The following ANKFY1 variants were observed in gnomAD, a reference collection of about 807,000 sequenced individuals.
The protein encoded by ANKFY1 is ankyrin repeat and FYVE domain containing 1, also known as ankyrin repeat and FYVE domain-containing protein 1.
A neutral mutation model predicts 128.3 loss-of-function variants in ANKFY1; 47 were observed. The observed-to-expected ratio is 0.37, with a 90% confidence interval of 0.29 to 0.47. ANKFY1 has a LOEUF of 0.47. Ranked by LOEUF, ANKFY1 falls within the 20% of genes least tolerant of loss-of-function variation. The pLI is 1.00. For missense variants in ANKFY1, 1,222 were observed against 1,510.6 expected (o/e 0.81, Z 3.17); for synonymous variants, 553 against 601.6 (o/e 0.92, Z 1.18).
rs780568416 is a variant in ANKFY1 at position 4,217,114 on chromosome 17, A to C, written c.327T>G (p.Ala109=). 3.1e-6 allele frequency: 5 copies of C among 1,609,920 alleles called. No homozygotes were observed. Among genetic ancestry groups the C allele is most frequent in the Non-Finnish European group, 2.5e-6 (3 of 1,177,556 alleles). The change falls in exon 4 of 25, where the codon GCT becomes GCG. Residue 109 remains alanine (A), a synonymous_variant. Coordinates refer to ENST00000341657, the MANE Select transcript of ANKFY1 (RefSeq NM_001330063.2). ...GCATTGTCATCGTCACCTCAGGATTAGCATCTGGTTAAAGAAAGAGAGAAC... is the reference window on the plus strand; with the variant it reads ...GCATTGTCATCGTCACCTCAGGATTCGCATCTGGTTAAAGAAAGAGAGAAC... ...SSTKELDLSD[A]NPEVTMTMLR... is the part of the protein sequence containing the mutation.
intron 3 of ANKFY1, among the ~76,000 whole-genome samples, chr17:4,218,770 C>G (rs1410325767): frequency 6.6e-6 from 1 of 152,106 alleles, no homozygotes. Flanking sequence ...CCCAGCTACT[C>G]AAGGGGCCAA....
chr17:4,257,667 A>G (rs1477519966), intron 1 of ANKFY1, among the ~76,000 whole-genome samples: 1 of 152,094 alleles, frequency 6.6e-6, no homozygotes, highest in Non-Finnish European at 1.5e-5. Context: ...ACTCCTAAGC[A>G]TTTTTTACCC....
chr17:4,243,664 T>C (rs1321875961), intron 1 of ANKFY1, among the ~76,000 whole-genome samples: 3 of 152,172 alleles, frequency 2.0e-5, no homozygotes, highest in Non-Finnish European at 4.4e-5. Context: ...CCAGGGTCTG[T>C]AATCATATGA....
At chr17:4,197,711 A>G in intron 7 of ANKFY1, 134 bp from the exon 8 acceptor site, 3 of 783,870 alleles carry the variant, frequency 3.8e-6, no homozygotes. Context: ...CTCTTGGGGC[A>G]TCTGTAAGTG....
At chr17:4,210,732 A>AAAAAC (rs2060113862) in intron 4 of ANKFY1, among the ~76,000 whole-genome samples, 2 of 145,876 alleles carry the variant, frequency 1.4e-5, no homozygotes, top group South Asian at 2.1e-4. Flanking sequence ...AAAAAAAAAA[A>AAAAAC]GCTCTCCTAT....
Position 4,242,400 on chromosome 17 carries a change from T to C in ANKFY1, c.59A>G (p.Tyr20Cys). ...CGCCAGCTTCTTCTGCAGCTTGACA[T>C]ACTCCTGCCGCAGAAGCATCAAGTG... ...EKHLMLLRQE[Y>C]VKLQKKLAET... Residue 20 changes from tyrosine (Y) to cysteine (C), a missense_variant, in exon 2 of 25, where the codon TAT (tyrosine) becomes TGT (cysteine). Tyr to Cys is a radical substitution (Grantham distance 194, BLOSUM62 -2). Coordinates refer to ENST00000341657, the MANE Select transcript of ANKFY1 (RefSeq NM_001330063.2). 1.9e-6 allele frequency: 3 copies of C among 1,591,316 alleles called. No individual in the cohort carries two copies. Among genetic ancestry groups the C allele is most frequent in the African/African-American group, 1.4e-5 (1 of 73,534 alleles).
At position 4,166,865 on chromosome 17, in the gene ANKFY1, C is replaced by G. The variant is rs917873331; in HGVS notation, c.*914G>C. 2 of 152,418 alleles carry G rather than the reference C, an allele frequency of 1.3e-5. No individual in the cohort carries two copies. The highest frequency in any genetic ancestry group is 2.9e-5 in the Non-Finnish European group (2 of 68,050). The allele number at this position is 152,418 out of a possible 1,614,324, so 9.4% of individuals were successfully genotyped here. ...TCTGTAGAGTTTTTCCTTGGAGATT[C>G]GTGTGAGCTGAGGTCCAGTCAAAGC... On this transcript the variant is annotated 3_prime_UTR_variant, in exon 25 of 25. Transcript: ENST00000341657.
intron 4 of ANKFY1, among the ~76,000 whole-genome samples, chr17:4,211,834 C>T (rs1033728887): frequency 6.6e-6 from 1 of 151,724 alleles, no homozygotes; most frequent in Non-Finnish European, 1.5e-5. Context: ...TGCGGTGAAC[C>T]GTGATCGCAC....
In ANKFY1 at chr17:4,170,708, C is replaced by A; in HGVS notation, c.3286+7G>T. On this transcript the variant is annotated splice_region_variant and intron_variant, in intron 23 of 24. Coordinates refer to ENST00000341657, the MANE Select transcript of ANKFY1 (RefSeq NM_001330063.2). Reference sequence around the variant, plus strand: ...TGCACTGTGAGAGCAGAGAGCGGGCCACTCACCCAGCAGTCGGAACAGGAG... The same window carrying A: ...TGCACTGTGAGAGCAGAGAGCGGGCAACTCACCCAGCAGTCGGAACAGGAG... The A allele has an allele frequency of 6.2e-7, 1 of 1,604,880 alleles. No homozygotes were observed. The highest frequency in any genetic ancestry group is 1.1e-5 in the South Asian group (1 of 89,248).
chr17:4,234,395 T>C (rs556489577), intron 3 of ANKFY1, among the ~76,000 whole-genome samples: 1 of 152,228 alleles, frequency 6.6e-6, no homozygotes, highest in Non-Finnish European at 1.5e-5. Flanking sequence ...AGGTCAACTT[T>C]TGAAAATGAC....
chr17:4,206,964 G>C (rs1183982471), intron 6 of ANKFY1, among the ~76,000 whole-genome samples: 3 of 152,154 alleles, frequency 2.0e-5, no homozygotes, highest in Non-Finnish European at 4.4e-5. Flanking sequence ...ATGGTGGGCA[G>C]AATTATCACC....
intron 11 of ANKFY1, chr17:4,187,163 C>T: frequency 2.0e-6 from 1 of 503,572 alleles, no homozygotes; most frequent in Non-Finnish European, 3.1e-6. Flanking sequence ...CCAAGCTTCC[C>T]CTCCAAGTTC....
Position 4,217,079 on chromosome 17 carries a change from A to C in ANKFY1, c.362T>G (p.Ile121Ser). ...TCTGAACTCCAGCTCATCTGTATAG[A>C]TCCAGCGAAGCATTGTCATCGTCAC... ...PEVTMTMLRW[I>S]YTDELEFRED... Residue 121 changes from isoleucine (I) to serine (S), a missense_variant, in exon 4 of 25, where the codon ATC becomes AGC. Transcript: ENST00000341657. 6.2e-7 allele frequency: 1 copy of C among 1,613,608 alleles called. No individual in the cohort carries two copies. Among genetic ancestry groups the C allele is most frequent in the Non-Finnish European group, 8.5e-7 (1 of 1,179,898 alleles).
chr17:4,217,487 C>T (rs1269857243), intron 3 of ANKFY1, among the ~76,000 whole-genome samples: 1 of 152,058 alleles, frequency 6.6e-6, no homozygotes, highest in Non-Finnish European at 1.5e-5. Flanking sequence ...ACGGAGGTTG[C>T]AGTGAGCAGA....
intron 4 of ANKFY1, among the ~76,000 whole-genome samples, chr17:4,212,103 A>T (rs1034451421): frequency 1.3e-5 from 2 of 152,126 alleles, no homozygotes; most frequent in African/African-American, 4.8e-5. Context: ...CATGGGGAAA[A>T]GGTGGCCAGG....
intron 23 of ANKFY1, among the ~76,000 whole-genome samples, chr17:4,170,480 TG>T (rs1329827720): frequency 6.6e-6 from 1 of 152,136 alleles, no homozygotes; most frequent in Non-Finnish European, 1.5e-5. Flanking sequence ...TAGAAGGTTG[TG>T]GGGTGTGGGA....
chr17:4,250,693 G>C (rs1967780078), intron 1 of ANKFY1, among the ~76,000 whole-genome samples: 1 of 151,902 alleles, frequency 6.6e-6, no homozygotes, highest in Admixed American at 6.6e-5. Context: ...TTAGAAACAG[G>C]GTCTCCCTCT....
intron 6 of ANKFY1, among the ~76,000 whole-genome samples, chr17:4,207,320 C>A (rs542972891): frequency 1.3e-5 from 2 of 152,318 alleles, no homozygotes; most frequent in East Asian, 3.9e-4. Flanking sequence ...CCCACCACTG[C>A]TGGCTTTTAA....
At chr17:4,218,887 A>G (rs1223204331) in intron 3 of ANKFY1, among the ~76,000 whole-genome samples, 1 of 152,112 alleles carries the variant, frequency 6.6e-6, no homozygotes, top group African/African-American at 2.4e-5. Flanking sequence ...AAAAAGAAAA[A>G]GAAAAAAAAA....
Sources: allele counts gnomAD v4.1 joint callset (sites outside exome capture counted in the v4.1 genomes callset), GRCh38; gene constraint gnomAD v4.1.1; transcripts MANE v1.5; gene names NCBI Gene and HGNC (gene_info 2026-07-23, HGNC 2026-07-21).